The following PIK3C2G variants were observed in gnomAD, a reference collection of about 807,000 sequenced individuals.
PIK3C2G encodes phosphatidylinositol-4-phosphate 3-kinase catalytic subunit type 2 gamma, also known as phosphatidylinositol 3-kinase C2 domain-containing subunit gamma.
PIK3C2G carries 168 observed loss-of-function variants against 181.1 expected under a neutral mutation model. The observed-to-expected ratio is 0.93, with a 90% CI of 0.82 to 1.05. PIK3C2G has a LOEUF of 1.05. Among genes scored for constraint, PIK3C2G ranks in the 50% least tolerant of loss-of-function variants. The pLI is 0.00. For synonymous variants in PIK3C2G, 573 were observed against 592.2 expected, an observed-to-expected ratio of 0.97 and a Z score of 0.47; for missense variants, 1,869 against 1,732.8, an observed-to-expected ratio of 1.08 and a Z score of -1.40.
chr12:18,455,031 A>C (rs1947550095), intron 18 of PIK3C2G, among the ~76,000 whole-genome samples: 1 of 152,184 alleles, frequency 6.6e-6, no homozygotes, highest in Non-Finnish European at 1.5e-5. Context: ...TCAACTGGAG[A>C]AAGATTTGCT....
chr12:18,478,632 T>C (rs1022607341), intron 18 of PIK3C2G, among the ~76,000 whole-genome samples: 3 of 152,276 alleles, frequency 2.0e-5, no homozygotes, highest in East Asian at 3.9e-4. Flanking sequence ...ATTATTTTAG[T>C]GGGCTGTGTA....
chr12:18,719,439 TC>T, the PIK3C2G span: 1 of 1,485,162 alleles, frequency 6.7e-7, no homozygotes, highest in Non-Finnish European at 9.0e-7. Context: ...ACCTTACATA[TC>T]CCCAAAGGTC....
At chr12:18,596,344 A>C (rs115669236) in intron 30 of PIK3C2G, among the ~76,000 whole-genome samples, 1,886 of 152,244 alleles carry the variant, frequency 0.012, 46 homozygotes, top group African/African-American at 0.043. Context: ...ACTAAATATT[A>C]TGGATACCAG....
At chr12:18,670,304 A>G in the PIK3C2G span, among the ~76,000 whole-genome samples, 2 of 152,254 alleles carry the variant, frequency 1.3e-5, no homozygotes, top group South Asian at 4.1e-4. Context: ...GCACACACAC[A>G]CACACACAAC....
At chr12:18,679,170 T>C in the PIK3C2G span, among the ~76,000 whole-genome samples, 3 of 152,096 alleles carry the variant, frequency 2.0e-5, no homozygotes, top group Non-Finnish European at 4.4e-5. Flanking sequence ...TTTTTCTTAC[T>C]GGGTTGTCAT....
chr12:18,708,139 G>A, the PIK3C2G span, among the ~76,000 whole-genome samples: 1 of 152,048 alleles, frequency 6.6e-6, no homozygotes, highest in East Asian at 1.9e-4. Context: ...GTGCTACTTT[G>A]TAGCCTCTGA....
intron 18 of PIK3C2G, among the ~76,000 whole-genome samples, chr12:18,462,288 A>T (rs1385481192): frequency 2.0e-5 from 3 of 152,202 alleles, no homozygotes; most frequent in Non-Finnish European, 4.4e-5. Flanking sequence ...CCAATATTAA[A>T]GTATAAAGGG....
chr12:18,454,961 T>C (rs1209353733), intron 18 of PIK3C2G, among the ~76,000 whole-genome samples: 1 of 151,978 alleles, frequency 6.6e-6, no homozygotes, highest in Non-Finnish European at 1.5e-5. Flanking sequence ...TCCTCCAGGG[T>C]TTTTCTCTCA....
At chr12:18,645,791 A>G (rs1950095819) in intron 32 of PIK3C2G, among the ~76,000 whole-genome samples, 3 of 152,212 alleles carry the variant, frequency 2.0e-5, no homozygotes, top group Non-Finnish European at 4.4e-5. Flanking sequence ...AGATTCATGA[A>G]AATATAAATT....
intron 8 of PIK3C2G, among the ~76,000 whole-genome samples, chr12:18,331,857 AAG>A (rs1720267529): frequency 6.6e-6 from 1 of 152,140 alleles, no homozygotes; most frequent in Non-Finnish European, 1.5e-5. Context: ...ATAGTTTACT[AAG>A]AGCTTATTTC....
At chr12:18,435,416 A>T (rs1239489177) in intron 18 of PIK3C2G, among the ~76,000 whole-genome samples, 1 of 151,972 alleles carries the variant, frequency 6.6e-6, no homozygotes, top group Non-Finnish European at 1.5e-5. Context: ...CTGCTCTCAG[A>T]ATAATCTACA....
chr12:18,723,427 C>T, the PIK3C2G span: 58 of 1,612,730 alleles, frequency 3.6e-5, no homozygotes, highest in Non-Finnish European at 3.7e-5. Context: ...AAGAATTTTC[C>T]GGTTTTCAGA....
intron 30 of PIK3C2G, among the ~76,000 whole-genome samples, chr12:18,598,340 C>T (rs1325814765): frequency 5.9e-5 from 9 of 151,514 alleles, no homozygotes; most frequent in African/African-American, 9.7e-5. Flanking sequence ...TCAGAAAAAA[C>T]GCCGCATATC....
At chr12:18,650,028 T>C (rs754366178), downstream of PIK3C2G, among the ~76,000 whole-genome samples, 17 of 152,202 alleles carry the variant, frequency 1.1e-4, 1 homozygote, top group Middle Eastern at 6.8e-3. Context: ...ATATATCATC[T>C]GAATACTGAT....
downstream of PIK3C2G, among the ~76,000 whole-genome samples, chr12:18,648,686 C>A (rs1295927638): frequency 1.3e-5 from 2 of 152,082 alleles, no homozygotes; most frequent in Non-Finnish European, 2.9e-5. Context: ...TATGCCTGGA[C>A]TCCAAGATCT....
intron 18 of PIK3C2G, among the ~76,000 whole-genome samples, chr12:18,485,980 C>T (rs532186625): frequency 6.6e-6 from 1 of 152,106 alleles, no homozygotes; most frequent in South Asian, 2.1e-4. Context: ...ACTGAGTAAC[C>T]TTCCACCCAA....
chr12:18,722,401 G>T, the PIK3C2G span, among the ~76,000 whole-genome samples: 2 of 152,016 alleles, frequency 1.3e-5, no homozygotes, highest in African/African-American at 2.4e-5. Context: ...AATAAATTAT[G>T]AATGTATGAT....
intron 29 of PIK3C2G, among the ~76,000 whole-genome samples, chr12:18,569,226 C>G (rs1945798223): frequency 6.6e-6 from 1 of 152,068 alleles, no homozygotes; most frequent in Non-Finnish European, 1.5e-5. Context: ...CTGACCTACC[C>G]TGAGTCTGCC....
the PIK3C2G span, among the ~76,000 whole-genome samples, chr12:18,655,823 T>C: frequency 6.6e-4 from 36 of 54,188 alleles, no homozygotes; most frequent in East Asian, 0.01. Context: ...CTAGTACTCC[T>C]GAAACTGTCA....
Sources: gnomAD v4.1 joint callset for allele counts (sites outside exome capture counted in the v4.1 genomes callset) on GRCh38, gnomAD v4.1.1 for gene constraint, MANE v1.5 for transcripts, NCBI Gene and HGNC (gene_info 2026-07-23, HGNC 2026-07-21) for gene names.